The following ZFHX3 variants were observed in gnomAD, a reference collection of about 807,000 sequenced individuals.
ZFHX3 encodes the protein zinc finger homeobox protein 3.
ZFHX3 carries 42 observed loss-of-function variants against 279.1 expected under a neutral mutation model. That is an observed-to-expected ratio of 0.15 (90% confidence interval 0.12 to 0.19). ZFHX3 has a LOEUF of 0.19. Among genes scored for constraint, ZFHX3 ranks in the 10% least tolerant of loss-of-function variants. The pLI, the probability that ZFHX3 is intolerant of heterozygous loss-of-function variation, is 1.00. For synonymous variants in ZFHX3, 2,293 were observed against 1,957.8 expected (o/e 1.17, Z -4.52); for missense variants, 4,981 against 4,754.0 (o/e 1.05, Z -1.40).
intron 1 of ZFHX3, among the ~76,000 whole-genome samples, chr16:73,027,064 T>C (rs1259278824): frequency 1.3e-5 from 2 of 152,246 alleles, no homozygotes; most frequent in African/African-American, 4.8e-5. Flanking sequence ...CAAGTGCTGC[T>C]GTTTGCCAAT....
intron 3 of ZFHX3, among the ~76,000 whole-genome samples, chr16:72,948,768 G>T (rs543245737): frequency 6.6e-6 from 1 of 152,184 alleles, no homozygotes; most frequent in African/African-American, 2.4e-5. Flanking sequence ...CGAGTCCTTT[G>T]TACAAATTTT....
At chr16:73,348,750 G>A (rs1195567837) in intron 3 of ZFHX3, among the ~76,000 whole-genome samples, 6 of 152,206 alleles carry the variant, frequency 3.9e-5, no homozygotes, top group African/African-American at 1.2e-4. Flanking sequence ...CCACATTCCC[G>A]GTTAAAGACG....
intron 5 of ZFHX3, among the ~76,000 whole-genome samples, chr16:72,823,822 C>G (rs2036863053): frequency 6.6e-6 from 1 of 152,160 alleles, no homozygotes; most frequent in Admixed American, 6.5e-5. Context: ...TCAGGTCACG[C>G]AGGTGAACTT....
intron 7 of ZFHX3, among the ~76,000 whole-genome samples, chr16:73,112,712 T>C (rs1228261758): frequency 3.7e-5 from 2 of 53,852 alleles, no homozygotes; most frequent in Admixed American, 3.3e-4. Context: ...TGAGACTCCA[T>C]CTCAAAAAAA....
chr16:73,552,039 GAGAGAC>G (rs1176941712), intron 2 of ZFHX3, among the ~76,000 whole-genome samples: 1 of 152,084 alleles, frequency 6.6e-6, no homozygotes, highest in African/African-American at 2.4e-5. Context: ...GTGAGAGAGA[GAGAGAC>G]AGAGAGAGAG....
At chr16:72,997,916 A>C (rs1963354036) in intron 1 of ZFHX3, among the ~76,000 whole-genome samples, 1 of 151,676 alleles carries the variant, frequency 6.6e-6, no homozygotes, top group Admixed American at 6.6e-5. Context: ...GCCTATCTCT[A>C]CAAAAAAAGA....
chr16:73,531,296 A>G lies in ZFHX3; in HGVS notation c.-1546-75038T>C, dbSNP rs566126272. ...ACCTTTCAGGTCAACGTCTTTTGCTATTTATATGCTTTTGAAAACCTTTCA... is the reference window on the plus strand; with the variant it reads ...ACCTTTCAGGTCAACGTCTTTTGCTGTTTATATGCTTTTGAAAACCTTTCA... On this transcript the variant is annotated intron_variant, in intron 2 of 17. Coordinates refer to the ZFHX3 transcript ENST00000641206. 2.0e-5 allele frequency among the ~76,000 whole-genome samples: 3 copies of G among 152,320 alleles called. No individual in the cohort carries two copies. In the East Asian group the frequency reaches 5.8e-4, roughly 29 times the overall value.
rs77958903 is a variant in ZFHX3 at position 72,883,457 on chromosome 16, G to C, written c.3448+6274C>G. On this transcript the variant is annotated intron_variant, in intron 4 of 9. Coordinates refer to ENST00000268489, the MANE Select transcript of ZFHX3 (RefSeq NM_006885.4). The stretch of plus-strand genomic sequence containing the variant: ...TTGCCACACATCTGACATTCTGTTA[G>C]AGTCCATATAAATACATCCCACCGC... Among the ~76,000 whole-genome samples the C allele has an allele frequency of 6.2e-3, 941 of 152,250 alleles. 15 individuals are homozygous for C. Among genetic ancestry groups the C allele is most frequent in the African/African-American group, 0.022 (904 of 41,542 alleles).
At chr16:73,484,072 G>A (rs908699070) in intron 2 of ZFHX3, among the ~76,000 whole-genome samples, 18 of 151,986 alleles carry the variant, frequency 1.2e-4, no homozygotes, top group Admixed American at 1.3e-4. Context: ...GGGTCCGGGG[G>A]GAAGAGCTGC....
intron 1 of ZFHX3, among the ~76,000 whole-genome samples, chr16:72,997,909 T>C (rs1371945187): frequency 6.6e-6 from 1 of 150,528 alleles, no homozygotes; most frequent in Non-Finnish European, 1.5e-5. Flanking sequence ...AGGGAAAGCC[T>C]ATCTCTACAA....
intron 2 of ZFHX3, among the ~76,000 whole-genome samples, 178 bp from the exon 3 acceptor site, chr16:72,951,143 T>C (rs939951051): frequency 6.6e-6 from 1 of 152,222 alleles, no homozygotes; most frequent in South Asian, 2.1e-4. Flanking sequence ...ACAGTCAACC[T>C]GATGTGTTTC....
At chr16:73,805,577 T>A (rs1422091317) in intron 1 of ZFHX3, among the ~76,000 whole-genome samples, 4 of 152,240 alleles carry the variant, frequency 2.6e-5, no homozygotes, top group Non-Finnish European at 4.4e-5. Context: ...CAGTCACTGT[T>A]CATGGAATAG....
intron 1 of ZFHX3, among the ~76,000 whole-genome samples, chr16:72,977,514 C>T (rs1046352485): frequency 2.0e-5 from 3 of 152,100 alleles, no homozygotes; most frequent in African/African-American, 7.2e-5. Flanking sequence ...CATGAACCAC[C>T]TCTTAGAAGT....
At chr16:73,253,864 A>T (rs1019110425) in intron 5 of ZFHX3, among the ~76,000 whole-genome samples, 1 of 152,108 alleles carries the variant, frequency 6.6e-6, no homozygotes, top group African/African-American at 2.4e-5. Flanking sequence ...CAACAGAGGG[A>T]GAAGGAGTTA....
At chr16:73,378,608 A>G (rs1050253900) in intron 3 of ZFHX3, among the ~76,000 whole-genome samples, 50 of 152,222 alleles carry the variant, frequency 3.3e-4, no homozygotes, top group African/African-American at 9.2e-4. Context: ...CCCGCAAGAT[A>G]AGGGCCAAAG....
At chr16:73,203,431 C>G (rs2011678792) in intron 5 of ZFHX3, among the ~76,000 whole-genome samples, 1 of 152,198 alleles carries the variant, frequency 6.6e-6, no homozygotes, top group Admixed American at 6.5e-5. Context: ...TGGATAGGCC[C>G]TGCTTCTCTC....
intron 8 of ZFHX3, among the ~76,000 whole-genome samples, chr16:73,072,911 T>TA (rs1366627289): frequency 6.6e-6 from 1 of 151,330 alleles, no homozygotes; most frequent in Non-Finnish European, 1.5e-5. Context: ...TTTTTTTTTT[T>TA]ATTTGAGACG....
At chr16:73,626,583 T>G (rs148014017) in intron 2 of ZFHX3, among the ~76,000 whole-genome samples, 1 of 152,370 alleles carries the variant, frequency 6.6e-6, no homozygotes, top group East Asian at 1.9e-4. Flanking sequence ...GATATCCACC[T>G]AGAAGACCTA....
chr16:73,792,333 C>T (rs1156695043), intron 1 of ZFHX3, among the ~76,000 whole-genome samples: 1 of 152,100 alleles, frequency 6.6e-6, no homozygotes, highest in Non-Finnish European at 1.5e-5. Context: ...TCCAATGTCA[C>T]CACAATAAAG....
Sources: allele counts gnomAD v4.1 joint callset (sites outside exome capture counted in the v4.1 genomes callset), GRCh38; gene constraint gnomAD v4.1.1; transcripts MANE v1.5; gene names NCBI Gene and HGNC (gene_info 2026-07-23, HGNC 2026-07-21).